The following SYT14 variants were observed in gnomAD, a reference collection of about 807,000 sequenced individuals.
SYT14 encodes the protein synaptotagmin-14.
Under a neutral mutation model 74.2 loss-of-function variants are expected in SYT14, and 32 were observed. The ratio of observed to expected loss-of-function variants is 0.43; its 90% CI spans 0.33 to 0.58. The LOEUF is 0.58. Among genes scored for constraint, SYT14 ranks in the 20% least tolerant of loss-of-function variants. The pLI, the probability that SYT14 is intolerant of heterozygous loss-of-function variation, is 0.05. For synonymous variants in SYT14, 298 were observed against 337.7 expected (o/e 0.88, Z 1.29); for missense variants, 791 against 981.8 (o/e 0.81, Z 2.60).
At chr1:209,949,802 A>G (rs1240916847) in intron 1 of SYT14, among the ~76,000 whole-genome samples, 2 of 152,180 alleles carry the variant, frequency 1.3e-5, no homozygotes, top group African/African-American at 4.8e-5. Flanking sequence ...TGGGGGACAA[A>G]TACCAAGAAA....
At chr1:209,990,349 T>C (rs2079642662) in intron 2 of SYT14, among the ~76,000 whole-genome samples, 2 of 151,556 alleles carry the variant, frequency 1.3e-5, no homozygotes, top group African/African-American at 2.4e-5. Flanking sequence ...AGTCCTGCAC[T>C]GAAAAACTTC....
chr1:209,959,182 A>G (rs1182080343), intron 2 of SYT14, among the ~76,000 whole-genome samples: 2 of 152,100 alleles, frequency 1.3e-5, no homozygotes, highest in Admixed American at 1.3e-4. Context: ...TCACTCTGTC[A>G]TCCAGGCTGG....
In SYT14 at chr1:210,153,623, A is replaced by G. The variant is rs146438775; in HGVS notation, c.2035-2098A>G. Among the ~76,000 whole-genome samples the G allele has an allele frequency of 9.4e-3, 1,439 of 152,282 alleles. 19 individuals are homozygous for G. The highest frequency in any genetic ancestry group is 0.012 in the Non-Finnish European group (847 of 68,028). On this transcript the variant is annotated intron_variant, in intron 7 of 9. Transcript: ENST00000637265. Reference sequence around the variant, plus strand: ...GGATTTCTAAATTTTACCTCTGTATACAACTGCAGTTCATCTGTAGATTTG... The same window carrying G: ...GGATTTCTAAATTTTACCTCTGTATGCAACTGCAGTTCATCTGTAGATTTG...
Position 210,152,799 on chromosome 1 carries a change from C to T in SYT14, c.2035-2922C>T, listed in dbSNP as rs2102704268. Among the ~76,000 whole-genome samples the T allele has an allele frequency of 1.3e-5, 2 of 152,248 alleles. 1 individual carries two copies. Among genetic ancestry groups the T allele is most frequent in the South Asian group, 4.1e-4 (2 of 4,828 alleles). On this transcript the variant is annotated intron_variant, in intron 7 of 9. Transcript: ENST00000637265. ...TTTTTTGCTTTTCTTTATAATGTTA[C>T]CACCTATTAATACATCGGGAACATA...
intron 5 of SYT14, among the ~76,000 whole-genome samples, chr1:210,092,867 TACA>T (rs1261891887): frequency 1.3e-5 from 2 of 152,336 alleles, no homozygotes; most frequent in Non-Finnish European, 2.9e-5. Flanking sequence ...AATATAGTAT[TACA>T]ACATTTACAT....
chr1:209,994,661 A>G (rs1436501470), intron 2 of SYT14, among the ~76,000 whole-genome samples: 3 of 152,160 alleles, frequency 2.0e-5, no homozygotes, highest in African/African-American at 7.2e-5. Flanking sequence ...TACTATAGAC[A>G]GGAACCGTCA....
intron 7 of SYT14, among the ~76,000 whole-genome samples, chr1:210,135,425 A>G (rs1292835882): frequency 2.0e-5 from 3 of 152,144 alleles, no homozygotes; most frequent in East Asian, 1.9e-4. Flanking sequence ...TTCAGCCTCT[A>G]TAAGTTAAAT....
chr1:210,156,835 G>T, intron 8 of SYT14: 1 of 340,568 alleles, frequency 2.9e-6, no homozygotes, highest in Admixed American at 2.6e-5. Context: ...TGGGACTACA[G>T]GCACCCACCA....
At chr1:210,100,241 G>A in exon 7 of SYT14, 2 of 1,614,062 alleles carry the variant, frequency 1.2e-6, no homozygotes, top group Non-Finnish European at 1.7e-6. Context: ...GCAAAAACCA[G>A]CATCCAGAGA....
intron 5 of SYT14, among the ~76,000 whole-genome samples, chr1:210,030,611 T>C (rs78215236): frequency 6.6e-6 from 1 of 152,216 alleles, no homozygotes; most frequent in South Asian, 2.1e-4. Context: ...GCTAGGACTT[T>C]CAGTACTATT....
intron 5 of SYT14, among the ~76,000 whole-genome samples, chr1:210,050,293 G>A (rs1382849224): frequency 6.6e-6 from 1 of 152,168 alleles, no homozygotes. Flanking sequence ...AACATAACAA[G>A]AGTCACCTTT....
intron 5 of SYT14, among the ~76,000 whole-genome samples, chr1:210,065,999 A>G (rs898835174): frequency 2.6e-5 from 4 of 151,212 alleles, no homozygotes; most frequent in Non-Finnish European, 4.4e-5. Flanking sequence ...TCCTTGTGAT[A>G]GTTTGCTGAG....
chr1:210,142,152 G>C (rs1199114057), intron 7 of SYT14, among the ~76,000 whole-genome samples: 1 of 152,138 alleles, frequency 6.6e-6, no homozygotes, highest in East Asian at 1.9e-4. Flanking sequence ...TCTGAAGATG[G>C]GGCTCCTGGG....
intron 7 of SYT14, among the ~76,000 whole-genome samples, chr1:210,129,895 G>A (rs888915163): frequency 6.6e-6 from 1 of 152,206 alleles, no homozygotes; most frequent in African/African-American, 2.4e-5. Context: ...TGGGGCCTGA[G>A]TATCTGTATC....
chr1:210,005,018 A>G (rs115370760), intron 2 of SYT14, among the ~76,000 whole-genome samples: 1 of 152,098 alleles, frequency 6.6e-6, no homozygotes, highest in African/African-American at 2.4e-5. Context: ...TGTCATCACT[A>G]ACTGAACTAT....
At chr1:210,023,378 CTG>C (rs1428842855) in intron 5 of SYT14, among the ~76,000 whole-genome samples, 1 of 152,164 alleles carries the variant, frequency 6.6e-6, no homozygotes, top group Non-Finnish European at 1.5e-5. Flanking sequence ...GAGTCTGACT[CTG>C]TTGCCCAGGC....
At chr1:209,944,708 G>A (rs1444712500) in intron 1 of SYT14, among the ~76,000 whole-genome samples, 2 of 151,450 alleles carry the variant, frequency 1.3e-5, no homozygotes, top group African/African-American at 4.8e-5. Context: ...TCCAATTTGG[G>A]AGGATAACTC....
intron 7 of SYT14, among the ~76,000 whole-genome samples, chr1:210,126,832 C>T (rs896366307): frequency 1.3e-5 from 2 of 152,068 alleles, no homozygotes; most frequent in South Asian, 4.1e-4. Flanking sequence ...TCACCATTTT[C>T]CTCTGAATCT....
At chr1:209,990,547 A>ACGTATATATACG (rs1553262362) in intron 2 of SYT14, among the ~76,000 whole-genome samples, 1 of 4,926 alleles carries the variant, frequency 2.0e-4, no homozygotes, top group East Asian at 1.6e-3. Flanking sequence ...ACGTATATAT[A>ACGTATATATACG]TGTATATATA....
Sources: gnomAD v4.1 joint callset for allele counts (sites outside exome capture counted in the v4.1 genomes callset) on GRCh38, gnomAD v4.1.1 for gene constraint, MANE v1.5 for transcripts, NCBI Gene and HGNC (gene_info 2026-07-23, HGNC 2026-07-21) for gene names.